Variants in NFIB observed in about 807,000 individuals in gnomAD.
NFIB encodes nuclear factor 1 B-type.
Under a neutral mutation model 61.5 loss-of-function variants are expected in NFIB, and 11 were observed. The observed-to-expected ratio is 0.18, with a 90% CI of 0.11 to 0.30. The LOEUF (loss-of-function observed/expected upper bound fraction) is 0.30, where lower values mean the gene tolerates loss of function less well. Among genes scored for constraint, NFIB ranks in the 10% least tolerant of loss-of-function variants. The pLI is 1.00. For missense variants in NFIB, 471 were observed against 608.9 expected (o/e 0.77, Z 2.38); for synonymous variants, 260 against 216.5 (o/e 1.20, Z -1.76).
At chr9:14,376,853 T>C (rs1337184494) in intron 1 of NFIB, among the ~76,000 whole-genome samples, 2 of 152,006 alleles carry the variant, frequency 1.3e-5, no homozygotes, top group African/African-American at 4.8e-5. Context: ...AGAGAGAAAG[T>C]TATTACTCAT....
At chr9:14,291,505 T>C (rs1563981368) in intron 2 of NFIB, among the ~76,000 whole-genome samples, 2 of 152,150 alleles carry the variant, frequency 1.3e-5, no homozygotes, top group Non-Finnish European at 2.9e-5. Flanking sequence ...AACAAAAAGA[T>C]TCATTGAAAG....
chr9:14,431,107 C>A, the NFIB span, among the ~76,000 whole-genome samples: 18 of 152,278 alleles, frequency 1.2e-4, no homozygotes, highest in South Asian at 2.3e-3. Context: ...ATAACTTGGG[C>A]TTTAACATTT....
intron 2 of NFIB, among the ~76,000 whole-genome samples, chr9:14,253,856 T>C (rs1381516038): frequency 6.6e-6 from 1 of 152,128 alleles, no homozygotes; most frequent in African/African-American, 2.4e-5. Context: ...TTTTTTCACG[T>C]GGCCTCCAGC....
chr9:14,364,826 A>G (rs1211932217), intron 1 of NFIB, among the ~76,000 whole-genome samples: 1 of 152,194 alleles, frequency 6.6e-6, no homozygotes, highest in Non-Finnish European at 1.5e-5. Flanking sequence ...TCTAGTAAAA[A>G]CATTATCAAA....
intron 2 of NFIB, among the ~76,000 whole-genome samples, chr9:14,197,868 C>A (rs374994078): frequency 6.6e-6 from 1 of 152,126 alleles, no homozygotes; most frequent in Admixed American, 6.5e-5. Context: ...AAAAGGTTCA[C>A]GGCTAGACCA....
At chr9:14,470,894 G>A in the NFIB span, among the ~76,000 whole-genome samples, 24 of 152,150 alleles carry the variant, frequency 1.6e-4, no homozygotes, top group African/African-American at 5.3e-4. Context: ...GCAATGGGAT[G>A]GAGAAGATGA....
intron 2 of NFIB, among the ~76,000 whole-genome samples, chr9:14,230,289 C>T (rs2052961267): frequency 6.6e-6 from 1 of 152,152 alleles, no homozygotes; most frequent in African/African-American, 2.4e-5. Flanking sequence ...AGATCATGTC[C>T]TCATAGAGCT....
At chr9:14,231,699 G>T (rs1268473060) in intron 2 of NFIB, among the ~76,000 whole-genome samples, 1 of 152,180 alleles carries the variant, frequency 6.6e-6, no homozygotes, top group African/African-American at 2.4e-5. Context: ...TGCTGATGGT[G>T]AAGTGCAGTA....
chr9:14,146,388 C>A (rs905646901), intron 6 of NFIB, among the ~76,000 whole-genome samples: 1 of 152,076 alleles, frequency 6.6e-6, no homozygotes, highest in Non-Finnish European at 1.5e-5. Context: ...GTTTGTGGTT[C>A]TGCTGTACTC....
At chr9:14,210,866 A>G (rs2131722130) in intron 2 of NFIB, among the ~76,000 whole-genome samples, 1 of 152,290 alleles carries the variant, frequency 6.6e-6, no homozygotes, top group East Asian at 1.9e-4. Flanking sequence ...GTCAGTGCTA[A>G]TATGTATCAA....
chr9:14,307,206 A>C lies in NFIB; in HGVS notation c.345T>G (p.Ile115Met). 1.9e-6 allele frequency: 3 copies of C among 1,613,870 alleles called. No individual in the cohort carries two copies. The highest frequency in any genetic ancestry group is 2.2e-5 in the South Asian group (2 of 91,064). ...CCTGTCGCAGGCAGTCGATTCTCCT[A>C]ATCTTACCCTTCTGGTCGGGATTGG... ...VLSNPDQKGK[I>M]RRIDCLRQAD... Residue 115 changes from isoleucine to methionine, a missense_variant, in exon 2 of 11, where the codon ATT (isoleucine) becomes ATG (methionine). This residue lies in a region of NFIB where 99 missense variants were observed against 213.3 expected (regional missense o/e 0.46). Coordinates refer to ENST00000380953, the MANE Select transcript of NFIB (RefSeq NM_001190737.2). This position sits in a 1 kb window ranked among gnomAD's most constrained non-coding sequence, Gnocchi z 5.3.
chr9:14,302,958 C>T (rs938587388), intron 2 of NFIB, among the ~76,000 whole-genome samples: 1 of 152,242 alleles, frequency 6.6e-6, no homozygotes, highest in South Asian at 2.1e-4. Context: ...TTATTTTAGG[C>T]TTTTGGTTGA....
intron 1 of NFIB, among the ~76,000 whole-genome samples, chr9:14,354,655 C>T (rs529662886): frequency 3.3e-5 from 5 of 152,216 alleles, no homozygotes; most frequent in East Asian, 3.9e-4. Context: ...ATTATGTAGT[C>T]GCTGAGGGTT....
chr9:14,444,470 A>G, the NFIB span, among the ~76,000 whole-genome samples: 4 of 152,242 alleles, frequency 2.6e-5, no homozygotes, highest in African/African-American at 9.6e-5. Context: ...AGTCATAAGC[A>G]TAATGGTAAT....
intron 2 of NFIB, among the ~76,000 whole-genome samples, chr9:14,198,983 C>T (rs1259754647): frequency 6.6e-6 from 1 of 152,182 alleles, no homozygotes; most frequent in African/African-American, 2.4e-5. Context: ...CCATTCTGAA[C>T]TCTATCACAC....
chr9:14,469,622 C>G, the NFIB span, among the ~76,000 whole-genome samples: 2 of 152,316 alleles, frequency 1.3e-5, no homozygotes, highest in East Asian at 1.9e-4. Context: ...GGCATGTGGG[C>G]TCTCCTGCAT....
At chr9:14,226,208 G>C (rs780709388) in intron 2 of NFIB, among the ~76,000 whole-genome samples, 2 of 151,884 alleles carry the variant, frequency 1.3e-5, no homozygotes, top group African/African-American at 4.8e-5. Context: ...ACAATATTTG[G>C]ATAACTTTTT....
At chr9:14,194,670 A>G (rs558229067) in intron 2 of NFIB, among the ~76,000 whole-genome samples, 1 of 152,320 alleles carries the variant, frequency 6.6e-6, no homozygotes, top group East Asian at 1.9e-4. Flanking sequence ...ATTCAATTAA[A>G]GCCAAGATAA....
intron 2 of NFIB, among the ~76,000 whole-genome samples, chr9:14,185,256 G>A (rs562602528): frequency 7.9e-5 from 12 of 152,150 alleles, no homozygotes; most frequent in Admixed American, 6.5e-5. Context: ...GAACAATGCC[G>A]TGAAAAAACG....
Sources: allele counts gnomAD v4.1 joint callset (sites outside exome capture counted in the v4.1 genomes callset), GRCh38; gene constraint gnomAD v4.1.1; regional missense constraint gnomAD v4.1.1; non-coding constraint Gnocchi (gnomAD v3.1); transcripts MANE v1.5; gene names NCBI Gene and HGNC (gene_info 2026-07-23, HGNC 2026-07-21).